MAP3K5: variants seen among roughly 807,000 people sequenced by gnomAD.
MAP3K5 encodes ASK-1.
A neutral mutation model predicts 158.7 loss-of-function variants in MAP3K5; 56 were observed. That is an observed-to-expected ratio of 0.35 (90% CI 0.28 to 0.44). The LOEUF is 0.44. Ranked by LOEUF, MAP3K5 falls within the 20% of genes least tolerant of loss-of-function variation. The pLI, the probability that MAP3K5 is intolerant of heterozygous loss-of-function variation, is 1.00. For synonymous variants in MAP3K5, 579 were observed against 601.7 expected, an observed-to-expected ratio of 0.96 and a Z score of 0.55; for missense variants, 1,294 against 1,674.8, an observed-to-expected ratio of 0.77 and a Z score of 3.97.
At chr6:136,726,132 T>A (rs1236499466) in intron 1 of MAP3K5, among the ~76,000 whole-genome samples, 1 of 152,246 alleles carries the variant, frequency 6.6e-6, no homozygotes, top group Non-Finnish European at 1.5e-5. Flanking sequence ...TTTTCAAATT[T>A]GTTTTGGCTG....
Position 136,791,813 on chromosome 6 carries a change from G to A in MAP3K5, c.345C>T (p.Ser115=). The part of the protein sequence containing the change: ...LVVAESEALQ[S]LREACETVGA... ...CCACTGTCTCGCACGCCTCCCGCAA[G>A]CTCTGCAGGGCCTCGCTCTCGGCCA... The change falls in exon 1 of 30, where the codon AGC becomes AGT. Residue 115 remains serine, a synonymous_variant. Coordinates refer to ENST00000359015, the MANE Select transcript of MAP3K5 (RefSeq NM_005923.4). 1.2e-6 allele frequency: 2 copies of A among 1,613,800 alleles called. No homozygotes were observed. Among genetic ancestry groups the A allele is most frequent in the African/African-American group, 2.7e-5 (2 of 75,060 alleles).
intron 7 of MAP3K5, among the ~76,000 whole-genome samples, chr6:136,678,254 A>G (rs2114577341): frequency 6.6e-6 from 1 of 152,314 alleles, no homozygotes; most frequent in African/African-American, 2.4e-5. Flanking sequence ...TATTAAGGAT[A>G]AAACTTGTAT....
At chr6:136,716,373 T>C (rs766042600) in intron 2 of MAP3K5, among the ~76,000 whole-genome samples, 2 of 152,166 alleles carry the variant, frequency 1.3e-5, no homozygotes, top group African/African-American at 4.8e-5. Context: ...CGTGCAGTCA[T>C]GTTTCATCCT....
At chr6:136,566,135 A>C (rs1474441451) in intron 26 of MAP3K5, among the ~76,000 whole-genome samples, 1 of 151,510 alleles carries the variant, frequency 6.6e-6, no homozygotes, top group Non-Finnish European at 1.5e-5. Context: ...GTAGACAGAC[A>C]GTGGCGCCAG....
intron 12 of MAP3K5, among the ~76,000 whole-genome samples, chr6:136,640,505 C>A (rs908392282): frequency 1.3e-5 from 2 of 152,212 alleles, no homozygotes; most frequent in African/African-American, 4.8e-5. Flanking sequence ...TAAGGCCCAG[C>A]TTAGACCTCA....
chr6:136,667,678 A>G lies in MAP3K5; in HGVS notation c.1366+1605T>C, dbSNP rs143910347. On this transcript the variant is annotated intron_variant, in intron 8 of 29. Transcript: ENST00000359015. ...AGCCTGGGCAACATGGCAAAACCTC[A>G]TCTTTACAAAAAATACAAAAAAATT... Among the ~76,000 whole-genome samples the G allele has an allele frequency of 6.5e-3, 987 of 151,364 alleles. 17 individuals carry two copies. The highest frequency in any genetic ancestry group is 0.023 in the African/African-American group (930 of 41,240).
chr6:136,641,512 T>A (rs576633383), intron 12 of MAP3K5, among the ~76,000 whole-genome samples: 68 of 152,088 alleles, frequency 4.5e-4, no homozygotes, highest in Non-Finnish European at 6.8e-4. Flanking sequence ...CTTAAAAAAA[T>A]ATATATATAT....
chr6:136,623,300 T>C (rs1583289467), intron 14 of MAP3K5, among the ~76,000 whole-genome samples: 1 of 152,238 alleles, frequency 6.6e-6, no homozygotes, highest in African/African-American at 2.4e-5. Flanking sequence ...AGTGAAACAG[T>C]GTATAACTAG....
intron 18 of MAP3K5, among the ~76,000 whole-genome samples, chr6:136,607,181 A>G (rs1776138267): frequency 6.6e-6 from 1 of 152,144 alleles, no homozygotes; most frequent in African/African-American, 2.4e-5. Context: ...TCGAAAATGC[A>G]TCGAAGCCTA....
intron 2 of MAP3K5, among the ~76,000 whole-genome samples, chr6:136,707,170 A>G (rs187070179): frequency 1.2e-4 from 19 of 152,304 alleles, no homozygotes; most frequent in Non-Finnish European, 2.5e-4. Context: ...AAAAATGACT[A>G]AAAGATATTC....
intron 14 of MAP3K5, among the ~76,000 whole-genome samples, chr6:136,629,992 T>C (rs565040005): frequency 1.8e-4 from 27 of 151,674 alleles, no homozygotes; most frequent in African/African-American, 6.5e-4. Context: ...CCTCAAACAA[T>C]CCAACTCCTC....
Position 136,703,917 on chromosome 6 carries a change from C to T in MAP3K5, c.612+1193G>A, listed in dbSNP as rs559033477. On this transcript the variant is annotated intron_variant, in intron 3 of 29. Transcript: ENST00000359015. ...AATATATTGTATATTATCTTCACTC[C>T]GAGTTGCAGAGGTACATTCTTTAAG... 2.0e-3 allele frequency among the ~76,000 whole-genome samples: 300 copies of T among 152,186 alleles called. 1 individual carries two copies. Among genetic ancestry groups the T allele is most frequent in the African/African-American group, 6.4e-3 (264 of 41,518 alleles).
intron 24 of MAP3K5, among the ~76,000 whole-genome samples, 192 bp from the exon 25 acceptor site, chr6:136,580,598 T>C (rs1026741022): frequency 2.0e-5 from 3 of 152,184 alleles, no homozygotes; most frequent in African/African-American, 4.8e-5. Context: ...GTGAGCCCCA[T>C]GTAAGCAAAT....
In MAP3K5 at chr6:136,765,573, C is replaced by T. The variant is rs377412841; in HGVS notation, c.448+26137G>A. ...TGTCGCCCAGGCTGGAATACAGTGGCGCCATCTCGGCTCACTGCAACCTCC... is the reference window on the plus strand; with the variant it reads ...TGTCGCCCAGGCTGGAATACAGTGGTGCCATCTCGGCTCACTGCAACCTCC... On this transcript the variant is annotated intron_variant, in intron 1 of 29. Coordinates refer to ENST00000359015, the MANE Select transcript of MAP3K5 (RefSeq NM_005923.4). Among the ~76,000 whole-genome samples, 12 of 151,792 alleles carry T rather than the reference C, an allele frequency of 7.9e-5. No individual in the cohort carries two copies. The East Asian group carries it at 2.3e-3, about 29-fold the overall frequency.
chr6:136,793,044 G>A (rs1453525992), upstream of MAP3K5, among the ~76,000 whole-genome samples: 6 of 152,206 alleles, frequency 3.9e-5, no homozygotes, highest in Non-Finnish European at 1.5e-5. Context: ...AAGACCTGGA[G>A]CGCAAGCGAT....
intron 8 of MAP3K5, among the ~76,000 whole-genome samples, chr6:136,663,315 TTTGCTA>T (rs1231051665): frequency 6.6e-6 from 1 of 152,222 alleles, no homozygotes; most frequent in Admixed American, 6.5e-5. Flanking sequence ...TCGTTAACAT[TTTGCTA>T]TTGCTTCATC....
At chr6:136,697,426 G>A in intron 4 of MAP3K5, 39 bp from the exon 5 acceptor site, 1 of 1,499,010 alleles carries the variant, frequency 6.7e-7, no homozygotes, top group Non-Finnish European at 9.1e-7. Context: ...TTTGACATTA[G>A]AAACAATTTC....
At chr6:136,612,662 A>G (rs1403963523) in intron 17 of MAP3K5, among the ~76,000 whole-genome samples, 2 of 152,258 alleles carry the variant, frequency 1.3e-5, no homozygotes, top group Non-Finnish European at 2.9e-5. Context: ...CCTTATAATT[A>G]TAGTTAAATC....
intron 10 of MAP3K5, among the ~76,000 whole-genome samples, chr6:136,651,813 T>C (rs1778530765): frequency 6.6e-6 from 1 of 152,168 alleles, no homozygotes; most frequent in South Asian, 2.1e-4. Context: ...TGAAGTATTA[T>C]ATTATTACTA....
Sources: allele counts gnomAD v4.1 joint callset (sites outside exome capture counted in the v4.1 genomes callset), GRCh38; gene constraint gnomAD v4.1.1; transcripts MANE v1.5; gene names NCBI Gene and HGNC (gene_info 2026-07-23, HGNC 2026-07-21).